The following AUTS2 variants were observed in gnomAD, a reference collection of about 807,000 sequenced individuals.
AUTS2 encodes autism susceptibility gene 2 protein.
AUTS2 carries 17 observed loss-of-function variants against 112.4 expected under a neutral mutation model. The observed-to-expected ratio is 0.15, with a 90% CI of 0.10 to 0.23. The LOEUF is 0.23. Ranked by LOEUF, AUTS2 falls within the 10% of genes least tolerant of loss-of-function variation. The pLI is 1.00. For missense variants in AUTS2, 1,510 were observed against 1,701.6 expected (o/e 0.89, Z 1.98); for synonymous variants, 751 against 702.7 (o/e 1.07, Z -1.09).
intron 5 of AUTS2, among the ~76,000 whole-genome samples, chr7:70,691,420 G>GA (rs5884795): frequency 2.8e-4 from 42 of 148,138 alleles, no homozygotes; most frequent in African/African-American, 3.7e-4. Context: ...ATTTCTCAAG[G>GA]AAAAAAAAAA....
At chr7:69,945,751 C>T (rs1796785294) in intron 2 of AUTS2, among the ~76,000 whole-genome samples, 1 of 152,112 alleles carries the variant, frequency 6.6e-6, no homozygotes, top group African/African-American at 2.4e-5. Flanking sequence ...TACTTATTTT[C>T]ACAAAGTTTG....
At chr7:69,906,587 G>C (rs1795158046) in intron 2 of AUTS2, among the ~76,000 whole-genome samples, 1 of 152,206 alleles carries the variant, frequency 6.6e-6, no homozygotes. Flanking sequence ...TTTCATTACT[G>C]CCTTTCGAGG....
At chr7:70,107,586 C>T (rs547813140) in intron 2 of AUTS2, among the ~76,000 whole-genome samples, 28 of 150,290 alleles carry the variant, frequency 1.9e-4, no homozygotes, top group East Asian at 1.4e-3. Context: ...TCGTGATCCG[C>T]CCATCTCGGC....
intron 2 of AUTS2, among the ~76,000 whole-genome samples, chr7:69,911,355 C>A (rs1294657471): frequency 6.6e-6 from 1 of 152,198 alleles, no homozygotes; most frequent in African/African-American, 2.4e-5. Context: ...CCTCAGGGAG[C>A]CCCTAGGTCT....
chr7:69,662,473 C>G (rs1186275738), intron 1 of AUTS2, among the ~76,000 whole-genome samples: 1 of 152,094 alleles, frequency 6.6e-6, no homozygotes, highest in Admixed American at 6.5e-5. Context: ...CCAGTAGCAC[C>G]CCTCAAGTGT....
At chr7:70,449,435 G>T (rs1023497997) in intron 5 of AUTS2, among the ~76,000 whole-genome samples, 2 of 152,180 alleles carry the variant, frequency 1.3e-5, no homozygotes, top group African/African-American at 4.8e-5. Flanking sequence ...TCAGTTATGG[G>T]TAGAGAGACG....
chr7:70,107,802 A>G (rs2129570752), intron 2 of AUTS2, among the ~76,000 whole-genome samples: 1 of 150,988 alleles, frequency 6.6e-6, no homozygotes. Flanking sequence ...TCACGAGGTC[A>G]GGAGATAGAG....
chr7:69,708,023 C>T (rs370265422), intron 1 of AUTS2, among the ~76,000 whole-genome samples: 1 of 152,158 alleles, frequency 6.6e-6, no homozygotes, highest in South Asian at 2.1e-4. Flanking sequence ...TCCTCTCGGT[C>T]GTTGCTTTAT....
intron 1 of AUTS2, among the ~76,000 whole-genome samples, chr7:69,825,573 G>T (rs1025280198): frequency 6.6e-6 from 1 of 152,104 alleles, no homozygotes; most frequent in Non-Finnish European, 1.5e-5. Flanking sequence ...GGTAACAAGT[G>T]TGTCTTTTGT....
At chr7:70,552,237 T>C (rs1801045686) in intron 5 of AUTS2, among the ~76,000 whole-genome samples, 1 of 152,208 alleles carries the variant, frequency 6.6e-6, no homozygotes, top group Admixed American at 6.5e-5. Context: ...TTTTTGTTGT[T>C]GTTAAAGAGA....
intron 4 of AUTS2, among the ~76,000 whole-genome samples, chr7:70,246,300 T>G (rs573275544): frequency 6.6e-6 from 1 of 152,258 alleles, no homozygotes; most frequent in South Asian, 2.1e-4. Flanking sequence ...ACATGTTGTT[T>G]TCTAAAAGTG....
intron 2 of AUTS2, among the ~76,000 whole-genome samples, chr7:70,079,840 G>A (rs1803216589): frequency 6.6e-6 from 1 of 152,092 alleles, no homozygotes; most frequent in Admixed American, 6.6e-5. Flanking sequence ...AAGTTTATTT[G>A]GCAGATGGTT....
At chr7:69,716,935 G>A (rs550576783) in intron 1 of AUTS2, among the ~76,000 whole-genome samples, 6 of 152,314 alleles carry the variant, frequency 3.9e-5, no homozygotes, top group African/African-American at 7.2e-5. Context: ...GAGAAGGGGA[G>A]TGAGTGGACT....
intron 5 of AUTS2, among the ~76,000 whole-genome samples, chr7:70,548,935 A>C (rs9768141): frequency 0.035 from 2,851 of 80,938 alleles, 63 homozygotes; most frequent in African/African-American, 0.088. Context: ...CCCCCCCCCC[A>C]AAAAAAAAAA....
chr7:70,309,703 A>G (rs1204447440), intron 4 of AUTS2, among the ~76,000 whole-genome samples: 1 of 152,194 alleles, frequency 6.6e-6, no homozygotes, highest in Non-Finnish European at 1.5e-5. Context: ...GTAGTCTTTA[A>G]AAAAAGAGAT....
chr7:69,748,677 A>T (rs1787612888), intron 1 of AUTS2, among the ~76,000 whole-genome samples: 1 of 152,202 alleles, frequency 6.6e-6, no homozygotes, highest in African/African-American at 2.4e-5. Context: ...AAAGTATGAC[A>T]GTTGGGCTAA....
At chr7:69,748,863 A>G (rs769812119) in intron 1 of AUTS2, among the ~76,000 whole-genome samples, 15 of 152,148 alleles carry the variant, frequency 9.9e-5, no homozygotes, top group Admixed American at 2.0e-4. Flanking sequence ...TTTAGTTTCA[A>G]TAAAACAATT....
chr7:70,425,878 T>C (rs900894551), intron 4 of AUTS2, among the ~76,000 whole-genome samples: 1 of 152,230 alleles, frequency 6.6e-6, no homozygotes, highest in African/African-American at 2.4e-5. Context: ...TAACATCTAT[T>C]GATTGCTTCC....
intron 2 of AUTS2, among the ~76,000 whole-genome samples, chr7:69,988,412 A>C (rs1798600990): frequency 6.6e-6 from 1 of 152,246 alleles, no homozygotes; most frequent in South Asian, 2.1e-4. Flanking sequence ...ATTGTCACTT[A>C]AGTGAGATGG....
Sources: gnomAD v4.1 joint callset for allele counts (sites outside exome capture counted in the v4.1 genomes callset) on GRCh38, gnomAD v4.1.1 for gene constraint, MANE v1.5 for transcripts, NCBI Gene and HGNC (gene_info 2026-07-23, HGNC 2026-07-21) for gene names.